NRIP1: variants seen among roughly 807,000 people sequenced by gnomAD.
NRIP1 encodes nuclear receptor-interacting protein 1.
Under a neutral mutation model 75.0 loss-of-function variants are expected in NRIP1, and 28 were observed. The observed-to-expected ratio is 0.37, with a 90% CI of 0.28 to 0.51. NRIP1 has a LOEUF of 0.51. Among genes scored for constraint, NRIP1 ranks in the 20% least tolerant of loss-of-function variants. The probability of loss-of-function intolerance (pLI) is 0.92; values close to 1 mark genes in which losing one functional copy is unlikely to be tolerated. For synonymous variants in NRIP1, 526 were observed against 487.6 expected (o/e 1.08, Z -1.04); for missense variants, 1,435 against 1,343.7 (o/e 1.07, Z -1.06).
chr21:14,983,448 C>T (rs568430703), intron 3 of NRIP1, among the ~76,000 whole-genome samples: 267 of 152,112 alleles, frequency 1.8e-3, no homozygotes, highest in African/African-American at 6.0e-3. Flanking sequence ...GTGGCTCATA[C>T]GATTTAAGGG....
intron 1 of NRIP1, chr21:15,050,864 A>G (rs1000256742): frequency 2.2e-5 from 10 of 455,930 alleles, no homozygotes; most frequent in African/African-American, 1.4e-4. Context: ...CCCAGGAGGC[A>G]ATATTCCCCT....
intron 3 of NRIP1, among the ~76,000 whole-genome samples, chr21:14,982,818 T>C (rs1303746335): frequency 6.6e-6 from 1 of 151,784 alleles, no homozygotes; most frequent in Non-Finnish European, 1.5e-5. Context: ...TAGCTCTATG[T>C]CTCATTTAGG....
At chr21:15,023,963 C>T (rs1378206638) in intron 2 of NRIP1, among the ~76,000 whole-genome samples, 2 of 152,112 alleles carry the variant, frequency 1.3e-5, no homozygotes, top group Non-Finnish European at 2.9e-5. Flanking sequence ...CAACTGGTTA[C>T]CCATCGTGGA....
intron 1 of NRIP1, among the ~76,000 whole-genome samples, chr21:15,060,262 C>T (rs2089395976): frequency 6.6e-6 from 1 of 152,110 alleles, no homozygotes; most frequent in Non-Finnish European, 1.5e-5. Flanking sequence ...CCTTCAGAAT[C>T]CTATACATTC....
At chr21:15,064,654 A>T (rs1037405282) in intron 1 of NRIP1, 91 bp downstream of exon 1, 11 of 150,816 alleles carry the variant, frequency 7.3e-5, no homozygotes, top group African/African-American at 2.4e-4. Flanking sequence ...CTGCCAGCCA[A>T]GCGAGAGCCG....
At chr21:14,977,725 C>G (rs2087112911) in intron 3 of NRIP1, among the ~76,000 whole-genome samples, 1 of 152,016 alleles carries the variant, frequency 6.6e-6, no homozygotes, top group Admixed American at 6.5e-5. Context: ...AAAAATGAAT[C>G]AAAATTAATA....
At chr21:14,988,110 G>C (rs2087455432) in intron 3 of NRIP1, 1 of 152,192 alleles carries the variant, frequency 6.6e-6, no homozygotes, top group African/African-American at 2.4e-5. Flanking sequence ...GAAAAGAACA[G>C]TCTCTGGATT....
At chr21:15,024,436 G>A (rs1245617004) in intron 2 of NRIP1, among the ~76,000 whole-genome samples, 4 of 152,100 alleles carry the variant, frequency 2.6e-5, no homozygotes, top group Non-Finnish European at 5.9e-5. Flanking sequence ...CAGCTACTAG[G>A]GAGGCTGAAG....
At chr21:15,063,700 C>T (rs538429617) in intron 1 of NRIP1, among the ~76,000 whole-genome samples, 5 of 152,322 alleles carry the variant, frequency 3.3e-5, no homozygotes, top group African/African-American at 1.2e-4. Flanking sequence ...CAGAAACAAA[C>T]TCCAACTCAG....
chr21:14,966,754 A>G lies in NRIP1; in HGVS notation c.1439T>C (p.Ile480Thr). The G allele has an allele frequency of 6.2e-7, 1 of 1,614,020 alleles. No homozygotes were observed. Among genetic ancestry groups the G allele is most frequent in the South Asian group, 1.1e-5 (1 of 91,082 alleles). The change falls in exon 4 of 4, where the codon ATC becomes ACC. Residue 480 changes from isoleucine (I) to threonine (T), a missense_variant. Coordinates refer to ENST00000318948, the MANE Select transcript of NRIP1 (RefSeq NM_003489.4). ...TWDPKVPDVD[I>T]KEDQDTSKNS... Reference sequence around the variant, plus strand: ...CTTTGAGGTATCTTGATCTTCTTTGATATCTACATCTGGGACTTTTGGATC... The same window carrying G: ...CTTTGAGGTATCTTGATCTTCTTTGGTATCTACATCTGGGACTTTTGGATC...
chr21:15,047,684 G>C (rs952459134), intron 1 of NRIP1, among the ~76,000 whole-genome samples: 7 of 152,144 alleles, frequency 4.6e-5, no homozygotes, highest in African/African-American at 1.7e-4. Flanking sequence ...GGGAGTATAG[G>C]AACTACAATT....
intron 2 of NRIP1, among the ~76,000 whole-genome samples, chr21:15,020,285 A>G (rs557824455): frequency 2.6e-5 from 4 of 152,360 alleles, no homozygotes; most frequent in African/African-American, 7.2e-5. Context: ...AATAGAGTCC[A>G]GAATAAACTC....
intron 3 of NRIP1, among the ~76,000 whole-genome samples, chr21:15,007,737 A>T (rs1055149859): frequency 5.3e-5 from 8 of 152,214 alleles, no homozygotes; most frequent in African/African-American, 1.9e-4. Flanking sequence ...TGGAGCTAAG[A>T]GTTCTATCCA....
In NRIP1 at chr21:14,989,818, A is replaced by AT. The variant is rs1222092222; in HGVS notation, c.-334-21293dup. ...GAGGTGAGGAGGAGGGGAGCCTGAA[A>AT]TTTTTGGATATCAAGAAACACGTTT... On this transcript the variant is annotated intron_variant, in intron 3 of 3. Coordinates refer to ENST00000318948, the MANE Select transcript of NRIP1 (RefSeq NM_003489.4). 3.3e-5 allele frequency among the ~76,000 whole-genome samples: 5 copies of AT among 152,222 alleles called. No homozygotes were observed. The East Asian group carries it at 9.6e-4, about 29-fold the overall frequency.
At chr21:15,059,327 G>A (rs1373328475) in intron 1 of NRIP1, among the ~76,000 whole-genome samples, 1 of 152,058 alleles carries the variant, frequency 6.6e-6, no homozygotes, top group East Asian at 1.9e-4. Flanking sequence ...AGGCAAGATG[G>A]GTTTTAATTT....
intron 1 of NRIP1, among the ~76,000 whole-genome samples, chr21:15,054,126 G>T (rs1349635671): frequency 6.6e-6 from 1 of 152,104 alleles, no homozygotes; most frequent in African/African-American, 2.4e-5. Context: ...ACATAGATGG[G>T]CTTCATATAC....
intron 3 of NRIP1, among the ~76,000 whole-genome samples, chr21:14,998,695 T>G (rs2087786993): frequency 6.6e-6 from 1 of 152,256 alleles, no homozygotes; most frequent in African/African-American, 2.4e-5. Flanking sequence ...ACCTTTATTA[T>G]GATCTACTTC....
intron 1 of NRIP1, among the ~76,000 whole-genome samples, chr21:15,059,102 C>T (rs1385620647): frequency 6.6e-6 from 1 of 152,138 alleles, no homozygotes; most frequent in African/African-American, 2.4e-5. Context: ...GGCTCCTTTC[C>T]ACCAAAGCTC....
chr21:15,037,518 G>C (rs2088862204), intron 2 of NRIP1, among the ~76,000 whole-genome samples: 1 of 152,136 alleles, frequency 6.6e-6, no homozygotes, highest in Admixed American at 6.5e-5. Context: ...AGCGATGAAT[G>C]AAACGCTATG....
Sources: allele counts gnomAD v4.1 joint callset (sites outside exome capture counted in the v4.1 genomes callset), GRCh38; gene constraint gnomAD v4.1.1; transcripts MANE v1.5; gene names NCBI Gene and HGNC (gene_info 2026-07-23, HGNC 2026-07-21).